Variants in DAB1 observed in about 807,000 individuals in gnomAD.
The protein encoded by DAB1 is disabled homolog 1.
A neutral mutation model predicts 64.6 loss-of-function variants in DAB1; 15 were observed. The observed-to-expected ratio is 0.23, with a 90% CI of 0.16 to 0.36. The LOEUF (loss-of-function observed/expected upper bound fraction) is 0.36. Among genes scored for constraint, DAB1 ranks in the 10% least tolerant of loss-of-function variants. DAB1 has a pLI of 1.00. For synonymous variants in DAB1, 235 were observed against 251.9 expected (o/e 0.93, Z 0.64); for missense variants, 596 against 706.7 (o/e 0.84, Z 1.78).
chr1:58,151,123 T>C (rs1363887534), intron 4 of DAB1, among the ~76,000 whole-genome samples: 2 of 152,224 alleles, frequency 1.3e-5, no homozygotes. Flanking sequence ...TCCAAGTCTT[T>C]GGTATTGTGA....
chr1:58,094,352 C>T (rs1455969923), intron 5 of DAB1, among the ~76,000 whole-genome samples: 1 of 152,142 alleles, frequency 6.6e-6, no homozygotes, highest in African/African-American at 2.4e-5. Flanking sequence ...CTGATTGGAC[C>T]CTGACTGATA....
At chr1:57,474,416 C>G (rs1170185973) in intron 7 of DAB1, among the ~76,000 whole-genome samples, 2 of 152,202 alleles carry the variant, frequency 1.3e-5, no homozygotes, top group East Asian at 1.9e-4. Context: ...AAAAATAAAC[C>G]AAATATTATC....
intron 4 of DAB1, among the ~76,000 whole-genome samples, chr1:57,080,576 C>A (rs1237838450): frequency 6.6e-6 from 1 of 152,100 alleles, no homozygotes; most frequent in Non-Finnish European, 1.5e-5. Flanking sequence ...GAATTCCTTG[C>A]CTAAATATAG....
intron 5 of DAB1, among the ~76,000 whole-genome samples, chr1:57,956,349 T>C (rs17116553): frequency 0.019 from 2,840 of 152,230 alleles, 44 homozygotes; most frequent in East Asian, 0.041. Flanking sequence ...GAGAACTCTA[T>C]ATGAGAGGGA....
chr1:57,524,840 G>C (rs1644572316), intron 7 of DAB1, among the ~76,000 whole-genome samples: 1 of 152,080 alleles, frequency 6.6e-6, no homozygotes, highest in Non-Finnish European at 1.5e-5. Flanking sequence ...CTTGGCTTGG[G>C]CTCAGAGGCC....
At chr1:58,300,258 C>T (rs1924562) in intron 4 of DAB1, among the ~76,000 whole-genome samples, 96,475 of 151,726 alleles carry the variant, frequency 0.64, 32,604 homozygotes, top group East Asian at 0.85. Context: ...TTTAAGAAAA[C>T]GCAAGGGCTG....
At chr1:57,137,095 A>G (rs1487527217) in intron 3 of DAB1, among the ~76,000 whole-genome samples, 1 of 152,156 alleles carries the variant, frequency 6.6e-6, no homozygotes, top group Non-Finnish European at 1.5e-5. Flanking sequence ...TCAATTTTAG[A>G]TAATAGAAAA....
intron 6 of DAB1, among the ~76,000 whole-genome samples, chr1:57,714,411 T>C (rs1376918365): frequency 2.0e-5 from 3 of 152,198 alleles, no homozygotes; most frequent in Admixed American, 2.0e-4. Flanking sequence ...AATATCAGTC[T>C]ATCTATGGTA....
chr1:57,900,543 C>T (rs978440236), intron 5 of DAB1, among the ~76,000 whole-genome samples: 3 of 152,150 alleles, frequency 2.0e-5, no homozygotes, highest in Admixed American at 6.5e-5. Flanking sequence ...CCTGAGCAAG[C>T]GAGACTATAG....
chr1:57,822,946 T>C (rs567860030), downstream of DAB1, among the ~76,000 whole-genome samples: 11 of 151,964 alleles, frequency 7.2e-5, no homozygotes, highest in Middle Eastern at 3.4e-3. Flanking sequence ...AAGAACTCTT[T>C]AGATTTCTTA....
chr1:57,774,639 T>C (rs555016247), intron 6 of DAB1, among the ~76,000 whole-genome samples: 2 of 151,836 alleles, frequency 1.3e-5, no homozygotes, highest in Non-Finnish European at 3.0e-5. Flanking sequence ...TTGTCAAATG[T>C]TTCTTTTGTA....
chr1:57,770,276 T>C (rs550028241), intron 6 of DAB1, among the ~76,000 whole-genome samples: 17 of 152,244 alleles, frequency 1.1e-4, no homozygotes, highest in Non-Finnish European at 2.9e-5. Flanking sequence ...GTTTTTCTTA[T>C]CGATTGATTG....
At chr1:58,124,155 A>G (rs750705678) in intron 5 of DAB1, among the ~76,000 whole-genome samples, 1 of 151,906 alleles carries the variant, frequency 6.6e-6, no homozygotes, top group South Asian at 2.1e-4. Context: ...CACGTGGAAT[A>G]AAATAGTTGC....
At chr1:57,250,802 T>C (rs183116646) in intron 2 of DAB1, among the ~76,000 whole-genome samples, 209 of 152,360 alleles carry the variant, frequency 1.4e-3, no homozygotes, top group African/African-American at 4.8e-3. Flanking sequence ...TATATTCATA[T>C]TATCATGTCA....
intron 3 of DAB1, among the ~76,000 whole-genome samples, chr1:58,455,646 T>C (rs1645186561): frequency 6.6e-6 from 1 of 152,278 alleles, no homozygotes; most frequent in South Asian, 2.1e-4. Flanking sequence ...TTATTCTATT[T>C]AATTATTCAC....
Position 57,325,317 on chromosome 1 carries a change from C to T in DAB1, c.-136-34151G>A, listed in dbSNP as rs568066751. Among the ~76,000 whole-genome samples, 7 of 152,162 alleles carry T rather than the reference C, an allele frequency of 4.6e-5. No individual in the cohort carries two copies. In the East Asian group the frequency reaches 5.8e-4, roughly 13 times the overall value. On this transcript the variant is annotated intron_variant, in intron 1 of 14. Transcript: ENST00000371236. The stretch of plus-strand genomic sequence containing the variant: ...CCGAGTTAGCCTCAAAAGTGGTCAT[C>T]GGTGTTGGTAAGCATGCTTTACACA...
intron 5 of DAB1, among the ~76,000 whole-genome samples, chr1:57,996,684 T>C (rs1646430211): frequency 6.6e-6 from 1 of 152,210 alleles, no homozygotes; most frequent in South Asian, 2.1e-4. Flanking sequence ...CATCCCCCCT[T>C]CTAGCTCTGC....
At chr1:57,843,272 G>A (rs1653133681) in intron 1 of DAB1, among the ~76,000 whole-genome samples, 1 of 152,156 alleles carries the variant, frequency 6.6e-6, no homozygotes. Context: ...CCTTGACTGT[G>A]TGCACCTTGC....
At chr1:58,544,083 C>T (rs1646664490) in intron 1 of DAB1, among the ~76,000 whole-genome samples, 1 of 152,148 alleles carries the variant, frequency 6.6e-6, no homozygotes, top group Non-Finnish European at 1.5e-5. Context: ...GAGGTGCAAA[C>T]AGTTATGATG....
Sources: allele counts gnomAD v4.1 joint callset (sites outside exome capture counted in the v4.1 genomes callset), GRCh38; gene constraint gnomAD v4.1.1; transcripts MANE v1.5; gene names NCBI Gene and HGNC (gene_info 2026-07-23, HGNC 2026-07-21).